Variants in MCTP1 observed in about 807,000 individuals in gnomAD.
MCTP1 encodes multiple C2 and transmembrane domain-containing protein 1.
MCTP1 carries 69 observed loss-of-function variants against 120.6 expected under a neutral mutation model. The observed-to-expected ratio is 0.57, with a 90% CI of 0.47 to 0.70. The LOEUF is 0.70. Ranked by LOEUF, MCTP1 falls within the 30% of genes least tolerant of loss-of-function variation. MCTP1 has a pLI of 0.00. For synonymous variants in MCTP1, 529 were observed against 493.1 expected (o/e 1.07, Z -0.96); for missense variants, 1,203 against 1,248.8 (o/e 0.96, Z 0.55).
chr5:95,192,679 T>C (rs1367325018), intron 1 of MCTP1, among the ~76,000 whole-genome samples: 5 of 152,096 alleles, frequency 3.3e-5, no homozygotes, highest in African/African-American at 1.2e-4. Context: ...TAAAGCCACA[T>C]TTCATCAAAT....
chr5:94,827,927 G>A (rs1251236074), intron 17 of MCTP1, among the ~76,000 whole-genome samples: 2 of 151,782 alleles, frequency 1.3e-5, no homozygotes, highest in South Asian at 2.1e-4. Context: ...CTTTAGTTCA[G>A]AGGAGTTTGT....
chr5:94,990,593 A>G (rs1831347247), intron 2 of MCTP1, among the ~76,000 whole-genome samples: 1 of 152,236 alleles, frequency 6.6e-6, no homozygotes, highest in African/African-American at 2.4e-5. Context: ...ACCAAAGATC[A>G]TCTCCCTTTT....
intron 11 of MCTP1, among the ~76,000 whole-genome samples, chr5:94,893,729 G>A (rs909972247): frequency 1.3e-5 from 2 of 152,176 alleles, no homozygotes; most frequent in African/African-American, 4.8e-5. Flanking sequence ...GTTATTGAAA[G>A]GATGTCAGTC....
At chr5:94,711,781 A>T (rs1561509054) in intron 20 of MCTP1, among the ~76,000 whole-genome samples, 1 of 152,126 alleles carries the variant, frequency 6.6e-6, no homozygotes, top group Non-Finnish European at 1.5e-5. Flanking sequence ...CAAAAAGGGA[A>T]AAGAAAAATG....
intron 19 of MCTP1, among the ~76,000 whole-genome samples, chr5:94,728,560 G>A (rs973881128): frequency 6.6e-6 from 1 of 152,148 alleles, no homozygotes; most frequent in Non-Finnish European, 1.5e-5. Context: ...CGAGTCATGT[G>A]ACCTCTCAGA....
At chr5:94,987,942 A>T (rs951054324) in intron 2 of MCTP1, among the ~76,000 whole-genome samples, 1 of 152,142 alleles carries the variant, frequency 6.6e-6, no homozygotes, top group Non-Finnish European at 1.5e-5. Flanking sequence ...ATTACATCTC[A>T]TCATCAAAGT....
At chr5:94,837,631 A>T (rs1321976372) in intron 17 of MCTP1, among the ~76,000 whole-genome samples, 1 of 152,198 alleles carries the variant, frequency 6.6e-6, no homozygotes, top group Non-Finnish European at 1.5e-5. Flanking sequence ...CTTAGGTTAA[A>T]AGAGTTGAGC....
intron 1 of MCTP1, among the ~76,000 whole-genome samples, chr5:95,049,925 C>T (rs766398080): frequency 7.9e-5 from 12 of 152,066 alleles, no homozygotes; most frequent in African/African-American, 2.4e-4. Flanking sequence ...TCTAAAAATA[C>T]TCAAGATCAA....
In MCTP1 at chr5:94,911,297, A is replaced by G. The variant is rs764921107; in HGVS notation, c.1521+1509T>C. Among the ~76,000 whole-genome samples, 17 of 152,306 alleles carry G rather than the reference A, an allele frequency of 1.1e-4. No individual in the cohort carries two copies. The Middle Eastern group carries it at 0.014, about 122-fold the overall frequency. ...GAATAACATCTGTAAAAACTGACCA[A>G]TAAAGAGGACATAGTTCATTACAAC... is the stretch of plus-strand genomic sequence containing the variant. On this transcript the variant is annotated intron_variant, in intron 9 of 22. Coordinates refer to ENST00000515393, the MANE Select transcript of MCTP1 (RefSeq NM_024717.7).
chr5:94,753,045 A>G (rs967166563), intron 19 of MCTP1, among the ~76,000 whole-genome samples: 1 of 152,230 alleles, frequency 6.6e-6, no homozygotes, highest in Non-Finnish European at 1.5e-5. Context: ...GATCTTGTTC[A>G]GGGGTTCACT....
intron 11 of MCTP1, among the ~76,000 whole-genome samples, chr5:94,890,960 T>G (rs1048929121): frequency 2.0e-5 from 3 of 152,218 alleles, no homozygotes; most frequent in East Asian, 3.9e-4. Context: ...TATAAAGTTA[T>G]TAAAATGTTA....
At chr5:95,061,581 G>A (rs997719337) in intron 1 of MCTP1, among the ~76,000 whole-genome samples, 2 of 149,410 alleles carry the variant, frequency 1.3e-5, no homozygotes, top group African/African-American at 2.5e-5. Context: ...GACTACAGGC[G>A]CCCGCCACTA....
intron 18 of MCTP1, among the ~76,000 whole-genome samples, chr5:94,783,005 A>G (rs1776894414): frequency 6.6e-6 from 1 of 152,132 alleles, no homozygotes; most frequent in South Asian, 2.1e-4. Flanking sequence ...AAGGAAGGGC[A>G]CTAGGGAAAT....
chr5:94,996,221 T>C (rs544901634), intron 2 of MCTP1, among the ~76,000 whole-genome samples: 203 of 152,302 alleles, frequency 1.3e-3, no homozygotes, highest in African/African-American at 4.6e-3. Flanking sequence ...TGTATACATG[T>C]CTTATAGAAC....
chr5:95,201,589 C>T (rs1751060314), intron 1 of MCTP1, among the ~76,000 whole-genome samples: 1 of 135,648 alleles, frequency 7.4e-6, no homozygotes, highest in Admixed American at 8.6e-5. Context: ...ACTGCAGCCT[C>T]TGCCTCCCAG....
In MCTP1 at chr5:94,885,751, G is replaced by C. The variant is rs1801184047; in HGVS notation, c.1933+3128C>G. On this transcript the variant is annotated intron_variant, in intron 12 of 22. Transcript: ENST00000515393. ...TGGAGAGACATTAACCTTTTCACTG[G>C]TTAGTTGAAAGGTAAGTAAGTTGTA... 2.0e-5 allele frequency among the ~76,000 whole-genome samples: 3 copies of C among 152,050 alleles called. No individual in the cohort carries two copies. The South Asian group carries it at 6.2e-4, about 32-fold the overall frequency.
At chr5:95,259,623 C>G (rs1429763636) in intron 1 of MCTP1, among the ~76,000 whole-genome samples, 4 of 152,234 alleles carry the variant, frequency 2.6e-5, no homozygotes, top group African/African-American at 7.2e-5. Context: ...TGGTGGGGGC[C>G]CTGTGGGTAT....
chr5:95,276,708 G>C (rs566371161), intron 1 of MCTP1, among the ~76,000 whole-genome samples: 32 of 151,682 alleles, frequency 2.1e-4, no homozygotes, highest in Admixed American at 2.0e-3. Context: ...CCAGCACTTT[G>C]GGAGGCGGCT....
chr5:95,069,016 T>C (rs1021623370), intron 1 of MCTP1, among the ~76,000 whole-genome samples: 3 of 151,340 alleles, frequency 2.0e-5, no homozygotes, highest in Non-Finnish European at 4.4e-5. Flanking sequence ...CAGCCTGTGC[T>C]ACATACGTAA....
Sources: allele counts gnomAD v4.1 joint callset (sites outside exome capture counted in the v4.1 genomes callset), GRCh38; gene constraint gnomAD v4.1.1; transcripts MANE v1.5; gene names NCBI Gene and HGNC (gene_info 2026-07-23, HGNC 2026-07-21).